KPNA7: variants seen among roughly 807,000 people sequenced by gnomAD.
KPNA7 encodes the protein karyopherin subunit alpha 7.
A neutral mutation model predicts 53.7 loss-of-function variants in KPNA7; 54 were observed. That is an observed-to-expected ratio of 1.01 (90% CI 0.81 to 1.26). The LOEUF is 1.26. Among genes scored for constraint, KPNA7 ranks in the 50% most tolerant of loss-of-function variants. KPNA7 has a pLI of 0.00. For missense variants in KPNA7, 640 were observed against 644.5 expected, an observed-to-expected ratio of 0.99 and a Z score of 0.07; for synonymous variants, 276 against 259.3, an observed-to-expected ratio of 1.06 and a Z score of -0.62.
rs58257703 is a variant in KPNA7, at chr7:99,190,335, C to CAA, written c.637-1774_637-1773dup. On this transcript the variant is annotated intron_variant, in intron 6 of 10. Coordinates refer to ENST00000327442, the MANE Select transcript of KPNA7 (RefSeq NM_001145715.3). ...CTGGTGACAGAGCAAGACTCTGTCTCAAAAAAAAAAAAAAGCAGAAAAAAA... is the reference window on the plus strand; with the variant it reads ...CTGGTGACAGAGCAAGACTCTGTCTCAAAAAAAAAAAAAAAAGCAGAAAAAAA... Among the ~76,000 whole-genome samples the CAA allele has an allele frequency of 1.9e-3, 190 of 99,348 alleles. 1 individual carries two copies. Among genetic ancestry groups the CAA allele is most frequent in the African/African-American group, 2.4e-3 (69 of 29,060 alleles). 65.2% of individuals were successfully genotyped at this position (99,348 alleles called of 152,430 possible).
intron 8 of KPNA7, among the ~76,000 whole-genome samples, chr7:99,184,295 C>G (rs1164377049): frequency 6.6e-6 from 1 of 152,052 alleles, no homozygotes; most frequent in East Asian, 1.9e-4. Context: ...GCTGGGACTA[C>G]AGGCATATGC....
At position 99,195,437 on chromosome 7, in the gene KPNA7, T is replaced by C. The variant is rs1207900616; in HGVS notation, c.285-99A>G. 1.0e-5 allele frequency: 12 copies of C among 1,180,298 alleles called. No homozygotes were observed. The Admixed American group carries it at 2.1e-4, about 21-fold the overall frequency. The allele number at this position is 1,180,298 out of a possible 1,614,324, so 73.1% of individuals were successfully genotyped here. A position where few individuals can be genotyped will look rare whatever the true frequency, so the allele number is the denominator to read the frequency against. Reference sequence around the variant, plus strand: ...GGTGCGGTGGCTCACACCTGTAATCTCAGCACTTTGGGAGACCAAGGCGGG... The same window carrying C: ...GGTGCGGTGGCTCACACCTGTAATCCCAGCACTTTGGGAGACCAAGGCGGG... On this transcript the variant is annotated intron_variant, in intron 4 of 10. Coordinates refer to ENST00000327442, the MANE Select transcript of KPNA7 (RefSeq NM_001145715.3).
At chr7:99,178,233 G>A (rs897209411) in intron 9 of KPNA7, among the ~76,000 whole-genome samples, 167 bp from the exon 10 acceptor site, 8 of 152,034 alleles carry the variant, frequency 5.3e-5, no homozygotes, top group Non-Finnish European at 1.0e-4. Flanking sequence ...AAAATTACAT[G>A]ATCTTCCTCC....
At chr7:99,196,918 C>CA (rs1193569290) in intron 3 of KPNA7, among the ~76,000 whole-genome samples, 2 of 152,112 alleles carry the variant, frequency 1.3e-5, no homozygotes, top group Non-Finnish European at 2.9e-5. Context: ...AGTTGTTTAA[C>CA]TTCACAGCTA....
At chr7:99,218,402 A>G (rs938188326) in intron 1 of KPNA7, among the ~76,000 whole-genome samples, 1 of 152,050 alleles carries the variant, frequency 6.6e-6, no homozygotes, top group African/African-American at 2.4e-5. Flanking sequence ...CTACCTGTGA[A>G]AGATATAAAA....
chr7:99,202,041 G>A (rs1790565363), intron 3 of KPNA7, among the ~76,000 whole-genome samples: 1 of 152,066 alleles, frequency 6.6e-6, no homozygotes, highest in Non-Finnish European at 1.5e-5. Flanking sequence ...ATCCTTGGAT[G>A]GGGGGATTCT....
intron 9 of KPNA7, among the ~76,000 whole-genome samples, chr7:99,179,441 A>T (rs1431150350): frequency 6.6e-6 from 1 of 151,930 alleles, no homozygotes; most frequent in Non-Finnish European, 1.5e-5. Flanking sequence ...CTGTAATCCC[A>T]TCTACTTGGA....
chr7:99,165,855 T>C, the KPNA7 span, among the ~76,000 whole-genome samples: 27 of 152,254 alleles, frequency 1.8e-4, no homozygotes, highest in African/African-American at 5.8e-4. Context: ...TTTCGATTTG[T>C]GTCTCTGACC....
intron 8 of KPNA7, among the ~76,000 whole-genome samples, chr7:99,183,221 C>A (rs781350080): frequency 2.0e-5 from 3 of 152,050 alleles, no homozygotes; most frequent in Non-Finnish European, 4.4e-5. Context: ...CACTGCACTC[C>A]AGTCTGGGTG....
At chr7:99,176,164 G>C (rs1370599466) in intron 10 of KPNA7, among the ~76,000 whole-genome samples, 3 of 151,924 alleles carry the variant, frequency 2.0e-5, no homozygotes, top group African/African-American at 4.8e-5. Flanking sequence ...CGGACATGGT[G>C]GTGGGCGCCT....
intron 1 of KPNA7, 75 bp from the exon 2 acceptor site, chr7:99,207,564 A>G (rs1323404373): frequency 1.5e-6 from 1 of 660,464 alleles, no homozygotes; most frequent in Non-Finnish European, 2.7e-6. Context: ...ATAAGGCTCT[A>G]ACCCTTAAAG....
At chr7:99,199,065 G>GGA (rs1297557877) in intron 3 of KPNA7, among the ~76,000 whole-genome samples, 164 of 61,130 alleles carry the variant, frequency 2.7e-3, no homozygotes, top group African/African-American at 0.011. Context: ...GCTGCAAACT[G>GGA]AAAAAAAAAA....
At chr7:99,179,297 C>T (rs1338120089) in intron 9 of KPNA7, among the ~76,000 whole-genome samples, 2 of 152,208 alleles carry the variant, frequency 1.3e-5, no homozygotes, top group South Asian at 2.1e-4. Context: ...TGGCCCATTC[C>T]TGTAATCCCA....
In KPNA7 at chr7:99,175,514, TTTATTTA is replaced by T. The variant is rs1405605799; in HGVS notation, c.1465-1727_1465-1721del. Among the ~76,000 whole-genome samples the T allele has an allele frequency of 8.3e-4, 64 of 77,086 alleles. 1 individual carries two copies. Among genetic ancestry groups the T allele is most frequent in the South Asian group, 3.8e-3 (5 of 1,332 alleles). 50.6% of individuals were successfully genotyped at this position (77,086 alleles called of 152,430 possible). The stretch of plus-strand genomic sequence containing the variant: ...ATTTATTTATTTATTTATTTATTTA[TTTATTTA>T]TTATTTATTTTGGAGATGGAGTTTT... On this transcript the variant is annotated intron_variant, in intron 10 of 10. Coordinates refer to ENST00000327442, the MANE Select transcript of KPNA7 (RefSeq NM_001145715.3).
At chr7:99,160,228 G>A in the KPNA7 span, among the ~76,000 whole-genome samples, 22 of 151,818 alleles carry the variant, frequency 1.4e-4, no homozygotes, top group Admixed American at 7.9e-4. Flanking sequence ...GGGTTTCACC[G>A]TGTTAGCCAG....
At chr7:99,218,852 T>C (rs1791276483) in intron 1 of KPNA7, among the ~76,000 whole-genome samples, 1 of 152,190 alleles carries the variant, frequency 6.6e-6, no homozygotes, top group African/African-American at 2.4e-5. Context: ...GAGCAAGATA[T>C]CTGATCAGCC....
chr7:99,181,952 C>G lies in KPNA7; in HGVS notation c.1248G>C (p.Val416=). 6.4e-7 allele frequency: 1 copy of G among 1,551,510 alleles called. No individual in the cohort carries two copies. Among genetic ancestry groups the G allele is most frequent in the Middle Eastern group, 1.7e-4 (1 of 5,988 alleles). The part of the protein sequence containing the change: ...LVHSGVLEPL[V]NLLTAPDVKI... Reference sequence around the variant, plus strand: ...TAACATCTGGGGCAGTGAGCAGATTCACCAGTGGCTCCAGGACCCCAGAGT... The same window carrying G: ...TAACATCTGGGGCAGTGAGCAGATTGACCAGTGGCTCCAGGACCCCAGAGT... Residue 416 remains valine (V), a synonymous_variant, in exon 9 of 11, where the codon GTG becomes GTC. Coordinates refer to ENST00000327442, the MANE Select transcript of KPNA7 (RefSeq NM_001145715.3).
Position 99,188,445 on chromosome 7 carries a change from T to C in KPNA7, c.755A>G (p.His252Arg), listed in dbSNP as rs912726009. Residue 252 changes from histidine to arginine, a missense_variant, in exon 7 of 11, where the codon CAC (histidine) becomes CGC (arginine). His to Arg is a conservative substitution (Grantham distance 29). Coordinates refer to ENST00000327442, the MANE Select transcript of KPNA7 (RefSeq NM_001145715.3). ...ILPALLHLLQ[H>R]QDSEVLSDAC... is the part of the protein sequence containing the mutation. The stretch of plus-strand genomic sequence containing the variant: ...ATCCGAGAGAACCTCACTGTCCTGG[T>C]GCTGCAGGAGGTGAAGGAGGGCCGG... 6.4e-7 allele frequency: 1 copy of C among 1,551,504 alleles called. No individual in the cohort carries two copies. Among genetic ancestry groups the C allele is most frequent in the Admixed American group, 2.0e-5 (1 of 50,946 alleles).
At chr7:99,194,896 T>C (rs1790147667) in intron 5 of KPNA7, among the ~76,000 whole-genome samples, 174 bp downstream of exon 5, 1 of 152,112 alleles carries the variant, frequency 6.6e-6, no homozygotes, top group Non-Finnish European at 1.5e-5. Flanking sequence ...TGAGCCACCG[T>C]GCCTGGCCTG....
Sources: gnomAD v4.1 joint callset for allele counts (sites outside exome capture counted in the v4.1 genomes callset) on GRCh38, gnomAD v4.1.1 for gene constraint, MANE v1.5 for transcripts, NCBI Gene and HGNC (gene_info 2026-07-23, HGNC 2026-07-21) for gene names.